Variants in CFAP251 observed in about 807,000 individuals in gnomAD.
CFAP251 encodes the protein cilia- and flagella-associated protein 251.
In CFAP251, 93 loss-of-function variants were observed where a neutral mutation model predicts 126.7. That is an observed-to-expected ratio of 0.73 (90% CI 0.62 to 0.87). CFAP251 has a LOEUF of 0.87. CFAP251 is among the 40% of genes least tolerant of loss of function. The pLI is 0.00. For synonymous variants in CFAP251, 503 were observed against 506.9 expected, an observed-to-expected ratio of 0.99 and a Z score of 0.10; for missense variants, 1,287 against 1,389.2, an observed-to-expected ratio of 0.93 and a Z score of 1.17.
At chr12:121,988,094 A>T (rs1328821607) in intron 19 of CFAP251, among the ~76,000 whole-genome samples, 3 of 151,974 alleles carry the variant, frequency 2.0e-5, no homozygotes, top group Non-Finnish European at 4.4e-5. Flanking sequence ...GATATATTTT[A>T]AAAATATTTT....
intron 19 of CFAP251, among the ~76,000 whole-genome samples, chr12:121,976,400 T>A (rs555482653): frequency 6.6e-6 from 1 of 152,150 alleles, no homozygotes; most frequent in African/African-American, 2.4e-5. Context: ...TGGAGGGAGT[T>A]ATTATCCTTG....
chr12:121,927,557 A>G (rs1243110513), intron 3 of CFAP251, among the ~76,000 whole-genome samples: 1 of 152,150 alleles, frequency 6.6e-6, no homozygotes, highest in Non-Finnish European at 1.5e-5. Flanking sequence ...TCAGCCTCCC[A>G]AAGTGTTGGA....
In CFAP251 at chr12:121,923,678, A is replaced by G; in HGVS notation, c.435A>G (p.Thr145=). Residue 145 remains threonine (T), a synonymous_variant, in exon 3 of 22, where the codon ACA becomes ACG. Transcript: ENST00000288912. ...CCTTACAATTGGAGGATGCAGAAAC[A>G]GATGAGCTTTTAAGAGACCTGAGCA... ...KLSLQLEDAE[T]DELLRDLSTQ... 1 of 1,614,206 alleles carries G rather than the reference A, an allele frequency of 6.2e-7. No individual in the cohort carries two copies. Among genetic ancestry groups the G allele is most frequent in the Non-Finnish European group, 8.5e-7 (1 of 1,180,040 alleles).
At chr12:121,929,656 C>T (rs1027726340) in intron 3 of CFAP251, among the ~76,000 whole-genome samples, 3 of 151,962 alleles carry the variant, frequency 2.0e-5, no homozygotes, top group Non-Finnish European at 4.4e-5. Context: ...CTCCCTTCCT[C>T]CCCTGAGCCC....
chr12:121,922,256 G>A (rs964824673), intron 2 of CFAP251, among the ~76,000 whole-genome samples: 2 of 151,830 alleles, frequency 1.3e-5, no homozygotes, highest in Non-Finnish European at 2.9e-5. Flanking sequence ...ACAGGCGTCC[G>A]CCACCTCGCC....
intron 19 of CFAP251, among the ~76,000 whole-genome samples, chr12:121,984,118 G>A (rs1038760419): frequency 3.3e-5 from 5 of 152,152 alleles, no homozygotes; most frequent in Admixed American, 6.5e-5. Context: ...TCTTTCTTAC[G>A]TCATTACAAC....
rs371295441 is a variant in CFAP251, at chr12:121,975,576, G to A, written c.2897G>A (p.Arg966His). 56 of 1,606,472 alleles carry A rather than the reference G, an allele frequency of 3.5e-5. No homozygotes were observed. Among genetic ancestry groups the A allele is most frequent in the East Asian group, 6.7e-5 (3 of 44,870 alleles). The change falls in exon 19 of 22, where the codon CGC (arginine) becomes CAC (histidine). Residue 966 changes from arginine (R) to histidine (H), a missense_variant. Coordinates refer to ENST00000288912, the MANE Select transcript of CFAP251 (RefSeq NM_144668.6). ...LEDYFYYSQL[R>H]SQGIDTMETR... ...GACTACTTCTACTATTCTCAGCTCC[G>A]CAGTCAAGGCATCGACACAATGGAG...
chr12:121,983,653 C>T (rs1882679772), intron 19 of CFAP251, among the ~76,000 whole-genome samples: 1 of 152,050 alleles, frequency 6.6e-6, no homozygotes, highest in Non-Finnish European at 1.5e-5. Flanking sequence ...TCCCGGCTGA[C>T]CCCACCACTT....
At chr12:122,000,166 T>C (rs940626460) in intron 20 of CFAP251, among the ~76,000 whole-genome samples, 1 of 152,224 alleles carries the variant, frequency 6.6e-6, no homozygotes, top group Non-Finnish European at 1.5e-5. Context: ...TGATTCGTGT[T>C]GCAACTACCT....
At chr12:121,935,769 G>T (rs1880870201) in intron 5 of CFAP251, among the ~76,000 whole-genome samples, 2 of 152,218 alleles carry the variant, frequency 1.3e-5, no homozygotes, top group Non-Finnish European at 2.9e-5. Context: ...GAGGTTGACA[G>T]CCCACGGACT....
chr12:121,973,123 T>A (rs1322803633), intron 17 of CFAP251, among the ~76,000 whole-genome samples: 1 of 152,218 alleles, frequency 6.6e-6, no homozygotes, highest in Admixed American at 6.5e-5. Context: ...TCATGCTGTG[T>A]GCTGCCTAGG....
At chr12:121,971,054 C>G (rs116244301) in intron 17 of CFAP251, among the ~76,000 whole-genome samples, 1 of 152,350 alleles carries the variant, frequency 6.6e-6, no homozygotes, top group African/African-American at 2.4e-5. Flanking sequence ...ACCAGGTGCT[C>G]TTGCTAGCCT....
At chr12:121,968,863 C>T (rs1882240282) in intron 17 of CFAP251, 1 of 983,760 alleles carries the variant, frequency 1.0e-6, no homozygotes, top group African/African-American at 1.7e-5. Flanking sequence ...GAATGATTTC[C>T]TTTCGTCTCT....
chr12:121,933,199 GA>G (rs1281429848), intron 4 of CFAP251: 1 of 152,232 alleles, frequency 6.6e-6, no homozygotes, highest in Non-Finnish European at 1.5e-5. Flanking sequence ...CTCTAAGGGA[GA>G]AAAATCAGGG....
intron 3 of CFAP251, among the ~76,000 whole-genome samples, chr12:121,929,813 G>T (rs1359919442): frequency 3.3e-5 from 5 of 152,024 alleles, no homozygotes; most frequent in Admixed American, 6.6e-5. Flanking sequence ...AAGTAGCTGG[G>T]ATTACAGGCA....
At chr12:121,977,771 C>A (rs180926705) in intron 19 of CFAP251, among the ~76,000 whole-genome samples, 9 of 150,356 alleles carry the variant, frequency 6.0e-5, no homozygotes, top group Non-Finnish European at 1.2e-4. Context: ...CTGGCTAACA[C>A]GGTGAAACCC....
intron 19 of CFAP251, 164 bp from the exon 20 acceptor site, chr12:121,999,552 T>C: frequency 1.8e-6 from 1 of 541,974 alleles, no homozygotes; most frequent in South Asian, 2.2e-5. Flanking sequence ...GCCAGGCTGG[T>C]CTCAAACTCC....
At chr12:121,995,703 C>T (rs756176434) in intron 19 of CFAP251, among the ~76,000 whole-genome samples, 1 of 152,104 alleles carries the variant, frequency 6.6e-6, no homozygotes, top group Non-Finnish European at 1.5e-5. Flanking sequence ...CCAGGCTGGT[C>T]TCAAACTCCT....
chr12:121,992,659 C>A, intron 19 of CFAP251: 1 of 301,820 alleles, frequency 3.3e-6, no homozygotes, highest in Non-Finnish European at 4.9e-6. Context: ...CTCAGTGCAG[C>A]CTCCACCTCC....
Sources: allele counts gnomAD v4.1 joint callset (sites outside exome capture counted in the v4.1 genomes callset), GRCh38; gene constraint gnomAD v4.1.1; transcripts MANE v1.5; gene names NCBI Gene and HGNC (gene_info 2026-07-23, HGNC 2026-07-21).